TTC29: variants seen among roughly 807,000 people sequenced by gnomAD.
TTC29 encodes tetratricopeptide repeat protein 29.
A neutral mutation model predicts 58.1 loss-of-function variants in TTC29; 49 were observed. That is an observed-to-expected ratio of 0.84 (90% confidence interval 0.67 to 1.07). The LOEUF (loss-of-function observed/expected upper bound fraction) is 1.07, where lower values mean the gene tolerates loss of function less well. Ranked by LOEUF, TTC29 falls within the 50% of genes least tolerant of loss-of-function variation. TTC29 has a pLI of 0.00. For synonymous variants in TTC29, 209 were observed against 196.8 expected, an observed-to-expected ratio of 1.06 and a Z score of -0.52; for missense variants, 582 against 555.6, an observed-to-expected ratio of 1.05 and a Z score of -0.48.
intron 10 of TTC29, among the ~76,000 whole-genome samples, chr4:146,816,063 G>C (rs1466041963): frequency 6.6e-6 from 1 of 152,192 alleles, no homozygotes; most frequent in Admixed American, 6.5e-5. Flanking sequence ...TCTTGGAGAA[G>C]AGTTTAGTGT....
chr4:146,782,158 A>G (rs547489579), intron 11 of TTC29, among the ~76,000 whole-genome samples: 1 of 151,942 alleles, frequency 6.6e-6, no homozygotes, highest in African/African-American at 2.4e-5. Context: ...TGGCATTCTG[A>G]TTTAATACAC....
intron 8 of TTC29, among the ~76,000 whole-genome samples, chr4:146,867,066 G>A (rs960354635): frequency 1.3e-5 from 2 of 152,160 alleles, no homozygotes; most frequent in African/African-American, 4.8e-5. Context: ...CTGCACTGAA[G>A]ATATACATCA....
intron 8 of TTC29, among the ~76,000 whole-genome samples, chr4:146,860,584 T>C (rs1426267616): frequency 6.6e-6 from 1 of 152,082 alleles, no homozygotes; most frequent in Non-Finnish European, 1.5e-5. Context: ...ATACTCTCAA[T>C]GAAGGATACT....
chr4:146,841,281 G>A (rs1478821161), intron 8 of TTC29, among the ~76,000 whole-genome samples: 4 of 152,050 alleles, frequency 2.6e-5, no homozygotes, highest in African/African-American at 9.7e-5. Flanking sequence ...ATTCAGCGTT[G>A]TTCCTGTGCC....
intron 10 of TTC29, among the ~76,000 whole-genome samples, chr4:146,810,593 T>A (rs979571072): frequency 7.8e-6 from 1 of 128,180 alleles, no homozygotes; most frequent in Non-Finnish European, 1.7e-5. Context: ...ACCTTCTTTT[T>A]TTTTTTTTTT....
intron 11 of TTC29, among the ~76,000 whole-genome samples, chr4:146,767,016 C>T (rs2150069513): frequency 6.6e-6 from 1 of 152,190 alleles, no homozygotes; most frequent in East Asian, 1.9e-4. Context: ...CATCATTTAG[C>T]TATTGCTTTA....
Position 146,737,443 on chromosome 4 carries a change from C to T in TTC29, c.1331-29892G>A, listed in dbSNP as rs918132766. 2.0e-4 allele frequency among the ~76,000 whole-genome samples: 30 copies of T among 152,192 alleles called. 1 individual carries two copies. The highest frequency in any genetic ancestry group is 7.0e-4 in the African/African-American group (29 of 41,526). ...ACACAGCATCAATCTAAACATGTTC[C>T]TTTTGCACCCTCTCAGGTGTATAAT... On this transcript the variant is annotated intron_variant, in intron 11 of 12. Coordinates refer to ENST00000325106, the MANE Select transcript of TTC29 (RefSeq NM_031956.4).
intron 4 of TTC29, among the ~76,000 whole-genome samples, chr4:146,933,501 T>C (rs1735506728): frequency 6.6e-6 from 1 of 152,228 alleles, no homozygotes; most frequent in Admixed American, 6.5e-5. Context: ...ATTCTGATAA[T>C]ATTATACAGA....
chr4:146,749,219 G>C (rs1282206463), intron 11 of TTC29, among the ~76,000 whole-genome samples: 1 of 151,968 alleles, frequency 6.6e-6, no homozygotes, highest in Non-Finnish European at 1.5e-5. Context: ...GCTGAGGTAG[G>C]AGGATCGCCT....
intron 11 of TTC29, among the ~76,000 whole-genome samples, chr4:146,753,232 G>T (rs938024028): frequency 3.4e-4 from 51 of 152,228 alleles, no homozygotes; most frequent in Middle Eastern, 3.4e-3. Flanking sequence ...CCATCAAAAA[G>T]TGGGCAAAGG....
Position 146,833,803 on chromosome 4 carries a change from T to C in TTC29, c.977+3A>G, listed in dbSNP as rs758958220. ...ACAGCAAGATGAGAATGTGCTAACT[T>C]ACCTCTGCAGGACCTTGGCTATGGC... On this transcript the variant is annotated splice_donor_region_variant and intron_variant, in intron 9 of 12. Coordinates refer to ENST00000325106, the MANE Select transcript of TTC29 (RefSeq NM_031956.4). 1.9e-6 allele frequency: 3 copies of C among 1,610,736 alleles called. No individual in the cohort carries two copies. Among genetic ancestry groups the C allele is most frequent in the African/African-American group, 1.3e-5 (1 of 74,864 alleles).
intron 8 of TTC29, among the ~76,000 whole-genome samples, chr4:146,845,091 T>G (rs1265841769): frequency 6.6e-6 from 1 of 152,148 alleles, no homozygotes; most frequent in Non-Finnish European, 1.5e-5. Context: ...TCCTGGGAAT[T>G]CGTAGGATTA....
chr4:146,811,633 T>C (rs4472156), intron 10 of TTC29, among the ~76,000 whole-genome samples: 47,793 of 152,036 alleles, frequency 0.31, 8,255 homozygotes, highest in African/African-American at 0.45. Flanking sequence ...TCTAATATTT[T>C]ATGAAGGAAA....
intron 9 of TTC29, among the ~76,000 whole-genome samples, chr4:146,823,257 A>G (rs952639143): frequency 6.6e-6 from 1 of 152,144 alleles, no homozygotes; most frequent in African/African-American, 2.4e-5. Flanking sequence ...TAAGTCTTTA[A>G]TTCATCTTGA....
intron 11 of TTC29, among the ~76,000 whole-genome samples, chr4:146,776,669 G>C (rs553049225): frequency 1.3e-5 from 2 of 152,300 alleles, no homozygotes; most frequent in East Asian, 3.9e-4. Flanking sequence ...TGGTCCGCTG[G>C]CCACAGCAGT....
At chr4:146,821,583 C>G (rs1177414460) in intron 9 of TTC29, among the ~76,000 whole-genome samples, 1 of 152,290 alleles carries the variant, frequency 6.6e-6, no homozygotes, top group Non-Finnish European at 1.5e-5. Context: ...CATATAATTT[C>G]TAGCAGAGAA....
At chr4:146,896,707 A>G (rs573034540) in intron 6 of TTC29, among the ~76,000 whole-genome samples, 2 of 152,206 alleles carry the variant, frequency 1.3e-5, no homozygotes, top group African/African-American at 4.8e-5. Context: ...TTCATTTCTT[A>G]GTCCTTCCCC....
At chr4:146,778,688 C>A (rs531872183) in intron 11 of TTC29, among the ~76,000 whole-genome samples, 5 of 152,050 alleles carry the variant, frequency 3.3e-5, no homozygotes, top group Non-Finnish European at 5.9e-5. Context: ...TGATGAGCAA[C>A]AAAGAGCAAC....
chr4:146,907,853 A>C (rs944227788), intron 5 of TTC29, among the ~76,000 whole-genome samples: 5 of 152,138 alleles, frequency 3.3e-5, no homozygotes, highest in African/African-American at 1.2e-4. Context: ...TAATTTCTTG[A>C]GAAATAATTG....
Sources: gnomAD v4.1 joint callset for allele counts (sites outside exome capture counted in the v4.1 genomes callset) on GRCh38, gnomAD v4.1.1 for gene constraint, MANE v1.5 for transcripts, NCBI Gene and HGNC (gene_info 2026-07-23, HGNC 2026-07-21) for gene names.